CIZ1: variants seen among roughly 807,000 people sequenced by gnomAD.
CIZ1 encodes the protein CDKN1A interacting zinc finger protein 1, also known as cip1-interacting zinc finger protein.
CIZ1 carries 58 observed loss-of-function variants against 118.6 expected under a neutral mutation model. The observed-to-expected ratio is 0.49, with a 90% CI of 0.40 to 0.61. The LOEUF (loss-of-function observed/expected upper bound fraction) is 0.61. CIZ1 is among the 20% of genes least tolerant of loss of function. CIZ1 has a pLI of 0.00. For missense variants in CIZ1, 921 were observed against 1,115.9 expected (o/e 0.83, Z 2.49); for synonymous variants, 448 against 443.4 (o/e 1.01, Z -0.13).
chr9:128,166,906 C>T lies in CIZ1; in HGVS notation c.2366-26G>A, dbSNP rs747658553. 1.9e-6 allele frequency: 3 copies of T among 1,614,110 alleles called. No individual in the cohort carries two copies. The highest frequency in any genetic ancestry group is 2.5e-6 in the Non-Finnish European group (3 of 1,179,982). On this transcript the variant is annotated intron_variant, in intron 15 of 16. Transcript: ENST00000372938. This position sits in a 1 kb window ranked among gnomAD's most constrained non-coding sequence, Gnocchi z 4.4. ...CTGTAGGATGGGATGGCAGGGTCTG[C>T]ACTCACATCCCTGTACCAGCGAGGT...
chr9:128,171,540 A>T (rs11999486), intron 11 of CIZ1, among the ~76,000 whole-genome samples: 2,792 of 151,406 alleles, frequency 0.018, 85 homozygotes, highest in African/African-American at 0.064. Context: ...AGCCTGACCA[A>T]CATGGTGAAA....
chr9:128,173,960 C>T (rs537063068), intron 11 of CIZ1, among the ~76,000 whole-genome samples: 3 of 151,816 alleles, frequency 2.0e-5, no homozygotes, highest in African/African-American at 4.8e-5. Context: ...GAGCCGAGAT[C>T]GCGCCACTGC....
chr9:128,175,617 T>G (rs1830756278), intron 11 of CIZ1, among the ~76,000 whole-genome samples: 1 of 152,184 alleles, frequency 6.6e-6, no homozygotes, highest in South Asian at 2.1e-4. Context: ...ATGAAAGTGT[T>G]TGATTTGCTC....
chr9:128,167,392 G>A (rs1829567116), intron 14 of CIZ1: 1 of 530,620 alleles, frequency 1.9e-6, no homozygotes. Context: ...CCCTCCTCCA[G>A]GAAGCCCTCC....
At chr9:128,179,999 A>C (rs1366755488) in intron 7 of CIZ1, among the ~76,000 whole-genome samples, 2 of 152,192 alleles carry the variant, frequency 1.3e-5, no homozygotes, top group Non-Finnish European at 1.5e-5. Flanking sequence ...TGCTGGCTCT[A>C]CCACTTACAG....
upstream of CIZ1, among the ~76,000 whole-genome samples, chr9:128,195,764 T>C (rs1377455183): frequency 6.6e-6 from 1 of 152,262 alleles, no homozygotes; most frequent in Non-Finnish European, 1.5e-5. Context: ...CTGACATTGT[T>C]ATTCTTTAAA....
chr9:128,172,895 C>G (rs914544030), intron 11 of CIZ1, among the ~76,000 whole-genome samples: 2 of 152,128 alleles, frequency 1.3e-5, no homozygotes, highest in African/African-American at 4.8e-5. Context: ...ATCAGCCACA[C>G]AGTGAGAGTA....
chr9:128,181,045 A>C (rs1389717938), intron 5 of CIZ1, among the ~76,000 whole-genome samples: 1 of 152,088 alleles, frequency 6.6e-6, no homozygotes, highest in African/African-American at 2.4e-5. Flanking sequence ...GGAGGACACA[A>C]AGCCTTCTCC....
In CIZ1 at chr9:128,166,614, C is replaced by A. The variant is rs1829459526; in HGVS notation, c.2487+145G>T. The stretch of plus-strand genomic sequence containing the variant: ...CAATAAGAGCCCAACCCCACCCCAG[C>A]TCTAATTCTCTCCCTGTTGGTGCAG... On this transcript the variant is annotated intron_variant, in intron 16 of 16. Coordinates refer to ENST00000372938, the MANE Select transcript of CIZ1 (RefSeq NM_001131016.2). This position sits in a 1 kb window ranked among gnomAD's most constrained non-coding sequence, Gnocchi z 4.4. The A allele has an allele frequency of 1.7e-6, 2 of 1,155,404 alleles. No individual in the cohort carries two copies. Among genetic ancestry groups the A allele is most frequent in the African/African-American group, 1.5e-5 (1 of 65,360 alleles). 71.6% of individuals were successfully genotyped at this position (1,155,404 alleles called of 1,614,324 possible). A position where few individuals can be genotyped will look rare whatever the true frequency, so the allele number is the denominator to read the frequency against.
intron 3 of CIZ1, among the ~76,000 whole-genome samples, chr9:128,189,980 C>T (rs921500048): frequency 5.3e-5 from 8 of 152,144 alleles, no homozygotes; most frequent in African/African-American, 7.2e-5. Context: ...TCAAGAGGCC[C>T]AGGCATCGGC....
At chr9:128,197,009 CTCTT>C (rs1357587842) in intron 1 of CIZ1, 1 of 152,192 alleles carries the variant, frequency 6.6e-6, no homozygotes, top group Non-Finnish European at 1.5e-5. Context: ...TTTCCCAGTA[CTCTT>C]TCTAACTGGC....
Position 128,166,071 on chromosome 9 carries a change from G to T in CIZ1, c.*126C>A. 1.4e-6 allele frequency: 1 copy of T among 727,508 alleles called. No individual in the cohort carries two copies. Among genetic ancestry groups the T allele is most frequent in the Non-Finnish European group, 2.1e-6 (1 of 481,498 alleles). 45.1% of individuals were successfully genotyped at this position (727,508 alleles called of 1,614,324 possible). On this transcript the variant is annotated 3_prime_UTR_variant, in exon 17 of 17. Coordinates refer to ENST00000372938, the MANE Select transcript of CIZ1 (RefSeq NM_001131016.2). The surrounding 1 kb of genome is among the most constrained non-coding windows in gnomAD (Gnocchi z 4.4). ...CAGAAGTACTGGTGGGAACTGCACA[G>T]CCAAACTACCTTGTTTTATTGGATT...
rs761913470 is a variant in CIZ1 at position 128,178,932 on chromosome 9, C to T, written c.1275G>A (p.Lys425=). Residue 425 remains lysine, a synonymous_variant, in exon 8 of 17, where the codon AAG becomes AAA. Transcript: ENST00000372938. ...GTGGATATGTCTGTGTCTGGACCTG[C>T]TTCTGCAGCTGCAGCTGCACCTGCC... ...PPRQVQLQLQ[K]QVQTQTYPQV... 3 of 1,614,220 alleles carry T rather than the reference C, an allele frequency of 1.9e-6. No individual in the cohort carries two copies. Among genetic ancestry groups the T allele is most frequent in the Non-Finnish European group, 2.5e-6 (3 of 1,180,048 alleles).
At position 128,167,123 on chromosome 9, in the gene CIZ1, C is replaced by T. The variant is rs756753256; in HGVS notation, c.2337G>A (p.Ser779=). 1.5e-5 allele frequency: 24 copies of T among 1,602,658 alleles called. No individual in the cohort carries two copies. Among genetic ancestry groups the T allele is most frequent in the Admixed American group, 6.8e-5 (4 of 58,398 alleles). Residue 779 remains serine (S), a synonymous_variant, in exon 15 of 17, where the codon TCG becomes TCA. Coordinates refer to ENST00000372938, the MANE Select transcript of CIZ1 (RefSeq NM_001131016.2). ...ATGCAGTATTGGGGCTGTAGGTCTC[C>T]GAGCCCTTCCACTCCTCTCTGGATA... ...RDISREEWKG[S]ETYSPNTAYG...
upstream of CIZ1, chr9:128,192,033 C>G: frequency 1.3e-6 from 1 of 768,448 alleles, no homozygotes; most frequent in East Asian, 3.4e-5. Flanking sequence ...GAGTCCCCCT[C>G]CAAGTCTTTT....
chr9:128,169,016 G>GC (rs1829792611), intron 14 of CIZ1, 36 bp downstream of exon 14: 1 of 1,612,340 alleles, frequency 6.2e-7, no homozygotes, highest in Admixed American at 1.7e-5. Context: ...TGGGAATCCA[G>GC]CACCAAGCCC....
chr9:128,199,218 A>C (rs1833451087), intron 1 of CIZ1, among the ~76,000 whole-genome samples: 2 of 152,040 alleles, frequency 1.3e-5, no homozygotes. Flanking sequence ...AAATACAAAA[A>C]TTAGCTGGGC....
At position 128,179,775 on chromosome 9, in the gene CIZ1, C is replaced by T. The variant is rs551212541; in HGVS notation, c.792-360G>A. 3.9e-5 allele frequency among the ~76,000 whole-genome samples: 6 copies of T among 152,278 alleles called. No homozygotes were observed. In the East Asian group the frequency reaches 9.6e-4, roughly 24 times the overall value. Reference sequence around the variant, plus strand: ...ACAACCTCCGTCTCCCAGGTCCAAGCGATTCTCCTGCCTCAGCCTCCGGAG... The same window carrying T: ...ACAACCTCCGTCTCCCAGGTCCAAGTGATTCTCCTGCCTCAGCCTCCGGAG... On this transcript the variant is annotated intron_variant, in intron 7 of 16. Transcript: ENST00000372938.
intron 11 of CIZ1, 35 bp from the exon 12 acceptor site, chr9:128,170,142 C>G: frequency 6.3e-7 from 1 of 1,578,996 alleles, no homozygotes; most frequent in South Asian, 1.1e-5. Flanking sequence ...TACAATGTGA[C>G]GCCAGAAAGA....
Sources: gnomAD v4.1 joint callset for allele counts (sites outside exome capture counted in the v4.1 genomes callset) on GRCh38, gnomAD v4.1.1 for gene constraint, Gnocchi (gnomAD v3.1) non-coding constraint, MANE v1.5 for transcripts, NCBI Gene and HGNC (gene_info 2026-07-23, HGNC 2026-07-21) for gene names.